The following NTM variants were observed in gnomAD, a reference collection of about 807,000 sequenced individuals.
NTM encodes neurotrimin, also known as IgLON family member 2.
In NTM, 13 loss-of-function variants were observed where a neutral mutation model predicts 42.1. The observed-to-expected ratio is 0.31, with a 90% CI of 0.20 to 0.49. The LOEUF (loss-of-function observed/expected upper bound fraction) is 0.49, where lower values mean the gene tolerates loss of function less well. Ranked by LOEUF, NTM falls within the 20% of genes least tolerant of loss-of-function variation. NTM has a pLI of 0.99. For synonymous variants in NTM, 187 were observed against 179.2 expected (o/e 1.04, Z -0.35); for missense variants, 373 against 452.8 (o/e 0.82, Z 1.60).
intron 2 of NTM, among the ~76,000 whole-genome samples, chr11:131,921,435 C>T (rs2057213982): frequency 6.6e-6 from 1 of 152,054 alleles, no homozygotes; most frequent in African/African-American, 2.4e-5. Context: ...GGGAAACTTC[C>T]CTACAAGTTT....
chr11:131,770,779 C>T (rs917103780), intron 1 of NTM: 3 of 152,152 alleles, frequency 2.0e-5, no homozygotes, highest in Non-Finnish European at 2.9e-5. Flanking sequence ...ACGTCAGCCT[C>T]GTTAGCATCA....
chr11:132,158,132 A>G (rs1392124753), intron 3 of NTM, among the ~76,000 whole-genome samples: 1 of 152,164 alleles, frequency 6.6e-6, no homozygotes, highest in Non-Finnish European at 1.5e-5. Context: ...GGTCTTTAAC[A>G]TCCCTACTGT....
At chr11:131,625,292 C>G (rs2062987565) in intron 1 of NTM, among the ~76,000 whole-genome samples, 1 of 152,186 alleles carries the variant, frequency 6.6e-6, no homozygotes, top group Non-Finnish European at 1.5e-5. Flanking sequence ...AAGGTCCCCC[C>G]ATGATGGTCT....
intron 1 of NTM, among the ~76,000 whole-genome samples, chr11:131,693,277 G>A (rs982203580): frequency 3.3e-5 from 5 of 152,166 alleles, no homozygotes; most frequent in African/African-American, 7.2e-5. Flanking sequence ...CTGTCTCTGT[G>A]AGGGATGAGG....
At chr11:131,975,274 G>A (rs1461707525) in intron 2 of NTM, among the ~76,000 whole-genome samples, 1 of 151,918 alleles carries the variant, frequency 6.6e-6, no homozygotes, top group Admixed American at 6.6e-5. Flanking sequence ...TCTGCCTCCC[G>A]GGTTCAAGCA....
intron 1 of NTM, among the ~76,000 whole-genome samples, chr11:131,757,170 G>A (rs182540127): frequency 1.3e-5 from 2 of 152,262 alleles, no homozygotes; most frequent in East Asian, 3.9e-4. Context: ...CACCCAATAG[G>A]CCCAGTGCAG....
Position 131,530,003 on chromosome 11 carries a change from G to T in NTM, c.82+159115G>T, listed in dbSNP as rs73574269. ...GTGCCTTCTAGAAAGAGGCAGACTG[G>T]GTATTCGTTTACTCTAGTGCTATCA... On this transcript the variant is annotated intron_variant, in intron 1 of 8. Transcript: ENST00000683400. Among the ~76,000 whole-genome samples, 572 of 152,248 alleles carry T rather than the reference G, an allele frequency of 3.8e-3. 2 individuals carry two copies. Among genetic ancestry groups the T allele is most frequent in the African/African-American group, 0.011 (463 of 41,544 alleles).
At chr11:132,331,063 C>A (rs147059258) in intron 8 of NTM, among the ~76,000 whole-genome samples, 6 of 152,340 alleles carry the variant, frequency 3.9e-5, no homozygotes, top group Middle Eastern at 3.4e-3. Flanking sequence ...GGCACGCCTG[C>A]GGTTCTCACC....
At chr11:132,138,753 A>G (rs760714419) in intron 2 of NTM, among the ~76,000 whole-genome samples, 21 of 152,132 alleles carry the variant, frequency 1.4e-4, no homozygotes, top group South Asian at 4.1e-4. Context: ...AAGCTGGAAG[A>G]GTGAAGTGCC....
chr11:131,378,448 G>A (rs1236659122), intron 1 of NTM, among the ~76,000 whole-genome samples: 3 of 152,214 alleles, frequency 2.0e-5, no homozygotes, highest in Non-Finnish European at 4.4e-5. Flanking sequence ...AATATAAACA[G>A]CATCACAGAC....
intron 3 of NTM, among the ~76,000 whole-genome samples, chr11:132,180,428 G>GA (rs879283674): frequency 4.6e-5 from 7 of 151,846 alleles, no homozygotes; most frequent in South Asian, 4.2e-4. Context: ...AGCAAAATGG[G>GA]AAAAAAAGGC....
intron 7 of NTM, among the ~76,000 whole-genome samples, chr11:132,318,036 G>A (rs1210624078): frequency 6.6e-6 from 1 of 152,158 alleles, no homozygotes; most frequent in Non-Finnish European, 1.5e-5. Flanking sequence ...TCATAAAAAG[G>A]GTCTTATTGA....
chr11:131,706,192 T>C (rs974063611), intron 1 of NTM, among the ~76,000 whole-genome samples: 2 of 151,812 alleles, frequency 1.3e-5, no homozygotes, highest in Non-Finnish European at 2.9e-5. Context: ...GCTATACTTA[T>C]ACTGGAAAAA....
chr11:131,711,789 T>C (rs2077164655), intron 1 of NTM, among the ~76,000 whole-genome samples: 1 of 151,862 alleles, frequency 6.6e-6, no homozygotes, highest in Non-Finnish European at 1.5e-5. Flanking sequence ...CACCATGGAA[T>C]ACTATGCAGC....
At chr11:132,314,865 G>C (rs2095383863) in intron 7 of NTM, 162 bp downstream of exon 7, 2 of 1,374,588 alleles carry the variant, frequency 1.5e-6, no homozygotes, top group Non-Finnish European at 1.9e-6. Context: ...AATGGAGAGA[G>C]AGGGACAGAG....
intron 1 of NTM, among the ~76,000 whole-genome samples, chr11:131,810,398 G>A (rs970082949): frequency 9.9e-5 from 15 of 152,176 alleles, no homozygotes; most frequent in Non-Finnish European, 2.1e-4. Flanking sequence ...TACAGCAATA[G>A]CGTAGCCCTC....
At chr11:131,892,124 C>T (rs79920733) in intron 1 of NTM, among the ~76,000 whole-genome samples, 2,238 of 152,254 alleles carry the variant, frequency 0.015, 59 homozygotes, top group African/African-American at 0.051. Context: ...TTCCTCCTCC[C>T]CTTCTCCTCT....
chr11:131,645,665 T>C (rs1396277652), intron 1 of NTM, among the ~76,000 whole-genome samples: 1 of 152,230 alleles, frequency 6.6e-6, no homozygotes, highest in Non-Finnish European at 1.5e-5. Context: ...TTTTTTTTAC[T>C]TATTAGTACA....
chr11:131,830,988 G>C (rs986837600), intron 1 of NTM, among the ~76,000 whole-genome samples: 1 of 152,118 alleles, frequency 6.6e-6, no homozygotes, highest in Non-Finnish European at 1.5e-5. Context: ...AGCTATTGGT[G>C]TATAGAAATG....
Sources: allele counts gnomAD v4.1 joint callset (sites outside exome capture counted in the v4.1 genomes callset), GRCh38; gene constraint gnomAD v4.1.1; transcripts MANE v1.5; gene names NCBI Gene and HGNC (gene_info 2026-07-23, HGNC 2026-07-21).